The following TIPARP variants were observed in gnomAD, a reference collection of about 807,000 sequenced individuals.
TIPARP encodes protein mono-ADP-ribosyltransferase TIPARP.
Under a neutral mutation model 56.5 loss-of-function variants are expected in TIPARP, and 12 were observed. That is an observed-to-expected ratio of 0.21 (90% confidence interval 0.14 to 0.34). The LOEUF is 0.34. Ranked by LOEUF, TIPARP falls within the 10% of genes least tolerant of loss-of-function variation. TIPARP has a pLI of 1.00. For synonymous variants in TIPARP, 296 were observed against 265.7 expected, an observed-to-expected ratio of 1.11 and a Z score of -1.11; for missense variants, 604 against 781.6, an observed-to-expected ratio of 0.77 and a Z score of 2.71.
chr3:156,702,077 G>A (rs970783144), intron 4 of TIPARP, among the ~76,000 whole-genome samples: 6 of 149,766 alleles, frequency 4.0e-5, no homozygotes, highest in Non-Finnish European at 9.0e-5. Context: ...TGGTGGTTGT[G>A]GTGGTGGTGG....
rs1027787879 is a variant in TIPARP at position 156,705,275 on chromosome 3, C to CT, written c.*151dup. 183 of 539,752 alleles carry CT rather than the reference C, an allele frequency of 3.4e-4. No individual in the cohort carries two copies. The highest frequency in any genetic ancestry group is 3.9e-4 in the Non-Finnish European group (123 of 315,770). The allele number at this position is 539,752 out of a possible 1,614,324, so 33.4% of individuals were successfully genotyped here. ...CCATTTTTTAAAGTGCTAGAAAATG[C>CT]TTTTTTTAAAAAAAAAATACAAGTT... is the stretch of plus-strand genomic sequence containing the variant. On this transcript the variant is annotated 3_prime_UTR_variant, in exon 6 of 6. Transcript: ENST00000295924.
chr3:156,674,634 C>G lies in TIPARP; in HGVS notation c.-204C>G, dbSNP rs2108482559. 2 of 152,778 alleles carry G rather than the reference C, an allele frequency of 1.3e-5. No individual in the cohort carries two copies. Among genetic ancestry groups the G allele is most frequent in the South Asian group, 4.1e-4 (2 of 4,834 alleles). 9.5% of individuals were successfully genotyped at this position (152,778 alleles called of 1,614,324 possible). A position where few individuals can be genotyped will look rare whatever the true frequency, so the allele number is the denominator to read the frequency against. ...GAGCTGGCTGGACTCGGAGCGCGGT[C>G]GAGGCTTTCTGCGTTCGCGGCGGCG... is the stretch of plus-strand genomic sequence containing the variant. On this transcript the variant is annotated 5_prime_UTR_variant, in exon 1 of 6. Coordinates refer to ENST00000295924, the MANE Select transcript of TIPARP (RefSeq NM_015508.5).
intron 2 of TIPARP, among the ~76,000 whole-genome samples, chr3:156,689,949 C>T (rs1327988798): frequency 6.6e-6 from 1 of 152,204 alleles, no homozygotes; most frequent in Non-Finnish European, 1.5e-5. Context: ...CCACACTTCA[C>T]ACTATGCTGC....
chr3:156,700,057 T>C (rs1010252483), intron 4 of TIPARP, among the ~76,000 whole-genome samples: 2 of 152,124 alleles, frequency 1.3e-5, no homozygotes, highest in East Asian at 1.9e-4. Flanking sequence ...GGTTTTTGTT[T>C]TGTTAAATTT....
At chr3:156,689,358 A>G (rs538788960) in intron 2 of TIPARP, among the ~76,000 whole-genome samples, 1 of 152,254 alleles carries the variant, frequency 6.6e-6, no homozygotes, top group South Asian at 2.1e-4. Flanking sequence ...GCTCATTCCT[A>G]CATTGCCTCC....
chr3:156,697,134 CT>C (rs1268695378), intron 4 of TIPARP, among the ~76,000 whole-genome samples: 1 of 151,970 alleles, frequency 6.6e-6, no homozygotes, highest in Non-Finnish European at 1.5e-5. Context: ...AAAATTTTAC[CT>C]TGTAGGGTTT....
intron 2 of TIPARP, among the ~76,000 whole-genome samples, chr3:156,690,738 A>C (rs905222841): frequency 2.6e-5 from 4 of 152,158 alleles, no homozygotes; most frequent in African/African-American, 7.2e-5. Context: ...ACAAATAGCA[A>C]GATATAAATC....
chr3:156,677,571 A>G, intron 1 of TIPARP, 86 bp from the exon 2 acceptor site: 1 of 895,446 alleles, frequency 1.1e-6, no homozygotes, highest in Non-Finnish European at 1.6e-6. Context: ...GGAATCAGTC[A>G]GGACAAAAAC....
At chr3:156,694,624 A>G (rs1164023073) in intron 3 of TIPARP, among the ~76,000 whole-genome samples, 1 of 152,232 alleles carries the variant, frequency 6.6e-6, no homozygotes, top group African/African-American at 2.4e-5. Context: ...TGGAAGAAGT[A>G]CTTGAAAATG....
intron 2 of TIPARP, among the ~76,000 whole-genome samples, chr3:156,684,181 CT>C (rs1722372418): frequency 6.6e-6 from 1 of 152,164 alleles, no homozygotes; most frequent in Non-Finnish European, 1.5e-5. Context: ...AAGAAACTCA[CT>C]TTGTAAAAGT....
chr3:156,679,774 T>G (rs956458137), intron 2 of TIPARP, among the ~76,000 whole-genome samples: 2 of 152,218 alleles, frequency 1.3e-5, no homozygotes, highest in Non-Finnish European at 2.9e-5. Flanking sequence ...TTCACAGATA[T>G]GTTGATTTAC....
Position 156,678,147 on chromosome 3 carries a change from G to C in TIPARP, c.450G>C (p.Thr150=), listed in dbSNP as rs1211677050. 2 of 1,614,026 alleles carry C rather than the reference G, an allele frequency of 1.2e-6. No individual in the cohort carries two copies. The highest frequency in any genetic ancestry group is 1.7e-6 in the Non-Finnish European group (2 of 1,180,002). ...HSFPSETLSG[T]VADSTPAHFQ... ...TTCCATCAGAAACCCTCAGTGGGAC[G>C]GTGGCAGATTCCACACCAGCTCACT... The change falls in exon 2 of 6, where the codon ACG becomes ACC. Residue 150 remains threonine, a synonymous_variant. Transcript: ENST00000295924.
At chr3:156,675,975 T>TGC (rs919550315) in intron 1 of TIPARP, among the ~76,000 whole-genome samples, 6 of 152,304 alleles carry the variant, frequency 3.9e-5, no homozygotes, top group Admixed American at 6.5e-5. Flanking sequence ...TAGGAAAAGT[T>TGC]GCGCGCGCGC....
chr3:156,696,679 C>T (rs528021805), intron 4 of TIPARP, among the ~76,000 whole-genome samples: 1 of 152,318 alleles, frequency 6.6e-6, no homozygotes, highest in East Asian at 1.9e-4. Flanking sequence ...AACCCAGTGG[C>T]ACATCTTTAT....
At position 156,687,353 on chromosome 3, in the gene TIPARP, TTTTA is replaced by T. The variant is rs369954520; in HGVS notation, c.918-6661_918-6658del. On this transcript the variant is annotated intron_variant, in intron 2 of 5. Transcript: ENST00000295924. ...GATCTTCTGATCTCATAAGTGTAAT[TTTTA>T]TTTATGAAAGATTTTAGACTTATCC... Among the ~76,000 whole-genome samples, 31 of 152,344 alleles carry T rather than the reference TTTTA, an allele frequency of 2.0e-4. No homozygotes were observed. The East Asian group carries it at 5.6e-3, about 27-fold the overall frequency.
intron 3 of TIPARP, 113 bp downstream of exon 3, chr3:156,694,301 A>C: frequency 1.1e-6 from 1 of 901,056 alleles, no homozygotes. Context: ...CATATAATCA[A>C]ACAGCTTATG....
At chr3:156,700,024 A>G (rs1357582977) in intron 4 of TIPARP, among the ~76,000 whole-genome samples, 1 of 152,198 alleles carries the variant, frequency 6.6e-6, no homozygotes, top group Non-Finnish European at 1.5e-5. Context: ...GATCTTAGCC[A>G]GGGAAAATGT....
rs758754131 is a variant in TIPARP, at chr3:156,704,676, T to C, written c.1527-8T>C. ...CCTTCTGAATTCTCTGTCTGTTCTTTCCATTAGGAAAAAGGAATATATGAA... is the reference window on the plus strand; with the variant it reads ...CCTTCTGAATTCTCTGTCTGTTCTTCCCATTAGGAAAAAGGAATATATGAA... On this transcript the variant is annotated splice_region_variant and splice_polypyrimidine_tract_variant and intron_variant, in intron 5 of 5. Coordinates refer to ENST00000295924, the MANE Select transcript of TIPARP (RefSeq NM_015508.5). The C allele has an allele frequency of 1.2e-6, 2 of 1,606,254 alleles. No individual in the cohort carries two copies. The highest frequency in any genetic ancestry group is 2.2e-5 in the South Asian group (2 of 89,864).
At chr3:156,677,608 C>G in intron 1 of TIPARP, 49 bp from the exon 2 acceptor site, 1 of 1,239,218 alleles carries the variant, frequency 8.1e-7, no homozygotes, top group South Asian at 1.6e-5. Context: ...TGAATGAAAT[C>G]CAGTTGCTGT....
Sources: gnomAD v4.1 joint callset for allele counts (sites outside exome capture counted in the v4.1 genomes callset) on GRCh38, gnomAD v4.1.1 for gene constraint, MANE v1.5 for transcripts, NCBI Gene and HGNC (gene_info 2026-07-23, HGNC 2026-07-21) for gene names.